Variants in SSC4D observed in about 807,000 individuals in gnomAD.
The protein encoded by SSC4D is scavenger receptor cysteine rich family member with 4 domains, also known as scavenger receptor cysteine-rich domain-containing group B protein.
SSC4D carries 57 observed loss-of-function variants against 63.4 expected under a neutral mutation model. That is an observed-to-expected ratio of 0.90 (90% confidence interval 0.73 to 1.12). The LOEUF (loss-of-function observed/expected upper bound fraction) is 1.12. Ranked by LOEUF, SSC4D falls within the 50% of genes most tolerant of loss-of-function variation. The probability of loss-of-function intolerance (pLI) is 0.00; values close to 1 mark genes in which losing one functional copy is unlikely to be tolerated. For synonymous variants in SSC4D, 352 were observed against 345.4 expected (o/e 1.02, Z -0.21); for missense variants, 791 against 806.4 (o/e 0.98, Z 0.23).
chr7:76,408,094 G>A (rs754231241), intron 1 of SSC4D, among the ~76,000 whole-genome samples: 17 of 152,172 alleles, frequency 1.1e-4, no homozygotes, highest in African/African-American at 3.1e-4. Context: ...AGGAGGCGGC[G>A]GTAGAGAGGA....
chr7:76,391,031 G>A (rs943946274), intron 10 of SSC4D, among the ~76,000 whole-genome samples: 14 of 152,166 alleles, frequency 9.2e-5, no homozygotes, highest in Non-Finnish European at 1.5e-4. Flanking sequence ...AGCTACTTGG[G>A]AGACTGAAGC....
At chr7:76,402,566 G>A (rs537176802) in intron 2 of SSC4D, among the ~76,000 whole-genome samples, 24 of 152,200 alleles carry the variant, frequency 1.6e-4, no homozygotes, top group African/African-American at 5.3e-4. Context: ...TGATCCTCCC[G>A]TCTCAGCCTC....
At chr7:76,401,154 G>A (rs1394401461) in intron 2 of SSC4D, 111 bp from the exon 3 acceptor site, 2 of 1,362,770 alleles carry the variant, frequency 1.5e-6, no homozygotes, top group African/African-American at 3.0e-5. Context: ...CCATCTTCTT[G>A]GACTTCAGTA....
In SSC4D at chr7:76,393,886, TG is replaced by T; in HGVS notation, c.964del (p.Gln322SerfsTer99). On this transcript the variant is annotated frameshift_variant, in exon 8 of 11. Transcript: ENST00000275560. LOFTEE classifies it high-confidence loss of function. Reference sequence around the variant, plus strand: ...GAGCAGTGCTGTCTCCCGGGAAGGCTGGGGGCCAACTCCTGTAGCTGTGGAG... The same window carrying T: ...GAGCAGTGCTGTCTCCCGGGAAGGCTGGGGCCAACTCCTGTAGCTGTGGAG... ...TDPSATGVGPQPSRETALLTT... is the reference protein window; with the variant it reads ...TDPSATGVGPXPSRETALLTT... The T allele has an allele frequency of 1.2e-6, 2 of 1,605,506 alleles. No individual in the cohort carries two copies. Among genetic ancestry groups the T allele is most frequent in the Non-Finnish European group, 8.5e-7 (1 of 1,175,754 alleles).
chr7:76,390,200 G>T lies in SSC4D; in HGVS notation c.1587C>A (p.Gly529=). Residue 529 remains glycine, a synonymous_variant, in exon 11 of 11, where the codon GGC becomes GGA. Coordinates refer to ENST00000275560, the MANE Select transcript of SSC4D (RefSeq NM_080744.2). ...CCAGGAGAATGGGGCCTCGGCCTGGGCCAAAGTGAGCCTCGCCAGGGGCTG... is the reference window on the plus strand; with the variant it reads ...CCAGGAGAATGGGGCCTCGGCCTGGTCCAAAGTGAGCCTCGCCAGGGGCTG... ...ALAAPGEAHF[G]PGRGPILLDN... 6.2e-7 allele frequency: 1 copy of T among 1,614,204 alleles called. No individual in the cohort carries two copies. Among genetic ancestry groups the T allele is most frequent in the Non-Finnish European group, 8.5e-7 (1 of 1,180,042 alleles).
At chr7:76,396,339 C>T (rs565643490) in intron 6 of SSC4D, among the ~76,000 whole-genome samples, 181 of 152,286 alleles carry the variant, frequency 1.2e-3, no homozygotes, top group Non-Finnish European at 2.3e-3. Context: ...TCCATGGCAA[C>T]GCAGACAACC....
chr7:76,393,400 C>G lies in SSC4D; in HGVS notation c.1333+5G>C, dbSNP rs776998233. The G allele has an allele frequency of 1.4e-5, 20 of 1,406,834 alleles. No homozygotes were observed. Among genetic ancestry groups the G allele is most frequent in the Middle Eastern group, 2.5e-4 (1 of 3,938 alleles). 87.1% of individuals were successfully genotyped at this position (1,406,834 alleles called of 1,614,324 possible). On this transcript the variant is annotated splice_donor_5th_base_variant and intron_variant, in intron 9 of 10. Transcript: ENST00000275560. ...TGTCAGCCTCACCTTCGCTGTCAGC[C>G]TCACCTGCGCAGAGCGCTCCCGCGT...
rs2115744506 is a variant in SSC4D, at chr7:76,393,586, T to C, written c.1152A>G (p.Glu384=). The C allele has an allele frequency of 6.6e-7, 1 of 1,509,634 alleles. No individual in the cohort carries two copies. The highest frequency in any genetic ancestry group is 8.8e-7 in the Non-Finnish European group (1 of 1,135,648). 93.5% of individuals were successfully genotyped at this position (1,509,634 alleles called of 1,614,324 possible). ...CGCCCAGCGCAGGCCCGCAGCCCGC[T>C]TCGCGGCAGGCCACGCGCGCGTCCG... ...DFADARVACR[E]AGCGPALGAT... Residue 384 remains glutamate (E), a synonymous_variant, in exon 9 of 11, where the codon GAA becomes GAG. Transcript: ENST00000275560.
Position 76,391,964 on chromosome 7 carries a change from C to A in SSC4D, c.1411G>T (p.Gly471Trp), listed in dbSNP as rs761236374. Residue 471 changes from glycine to tryptophan, a missense_variant and splice_region_variant, in exon 10 of 11, where the codon GGG (glycine) becomes TGG (tryptophan). Transcript: ENST00000275560. Reference sequence around the variant, plus strand: ...CTTTCAGGGGATTATGGGCACCTACCGTCCCTGGGCCGAGGAGTGGGCACC... The same window carrying A: ...CTTTCAGGGGATTATGGGCACCTACAGTCCCTGGGCCGAGGAGTGGGCACC... ...TRVPTPRPRD[G>W]HLRLVNGAHR... 1 of 1,591,460 alleles carries A rather than the reference C, an allele frequency of 6.3e-7. No homozygotes were observed. Among genetic ancestry groups the A allele is most frequent in the Non-Finnish European group, 8.6e-7 (1 of 1,168,724 alleles).
chr7:76,395,208 C>G (rs774075721), intron 7 of SSC4D, 45 bp downstream of exon 7: 2 of 1,605,356 alleles, frequency 1.2e-6, no homozygotes, highest in Admixed American at 1.7e-5. Context: ...CCAGCCGCAC[C>G]CACCATACCC....
rs751529011 is a variant in SSC4D at position 76,393,855 on chromosome 7, G to A, written c.996C>T (p.Thr332=). 1.9e-6 allele frequency: 3 copies of A among 1,605,342 alleles called. No individual in the cohort carries two copies. The highest frequency in any genetic ancestry group is 3.4e-5 in the Admixed American group (2 of 59,138). The change falls in exon 8 of 11, where the codon ACC becomes ACT. Residue 332 remains threonine, a synonymous_variant. Transcript: ENST00000275560. ...QPSRETALLT[T]AAWAAGKKSG... ...TTTTCTTCCCCGCGGCCCAGGCGGC[G>A]GTGGTGAGCAGTGCTGTCTCCCGGG...
rs1451319129 is a variant in SSC4D, at chr7:76,391,992, C to T, written c.1383G>A (p.Thr461=). 3.1e-6 allele frequency: 5 copies of T among 1,594,188 alleles called. No individual in the cohort carries two copies. Among genetic ancestry groups the T allele is most frequent in the Non-Finnish European group, 3.4e-6 (4 of 1,170,268 alleles). ...LQVQQDGSET[T]RVPTPRPRDG... is the part of the protein sequence containing the mutation. ...CCCTGGGCCGAGGAGTGGGCACCCG[C>T]GTGGTCTCAGAACCATCCTGCTGGA... Residue 461 remains threonine (T), a synonymous_variant, in exon 10 of 11, where the codon ACG becomes ACA. Transcript: ENST00000275560.
At chr7:76,395,932 C>T (rs1432083516) in intron 6 of SSC4D, among the ~76,000 whole-genome samples, 1 of 152,154 alleles carries the variant, frequency 6.6e-6, no homozygotes, top group East Asian at 1.9e-4. Context: ...CGACCTCAGG[C>T]GATCCGCCCA....
chr7:76,390,083 GGCA>G lies in SSC4D; in HGVS notation c.1701_1703del (p.Ala568del). 3 of 1,614,252 alleles carry G rather than the reference GGCA, an allele frequency of 1.9e-6. No homozygotes were observed. Among genetic ancestry groups the G allele is most frequent in the Non-Finnish European group, 1.7e-6 (2 of 1,180,050 alleles). Reference sequence around the variant, plus strand: ...GTCATGAAGGCTGGCACAGGACACTGGCATCCTCGCTGTGGTCACAGTTGTGGG... The same window carrying G: ...GTCATGAAGGCTGGCACAGGACACTGTCCTCGCTGTGGTCACAGTTGTGGG... On this transcript the variant is annotated inframe_deletion, in exon 11 of 11. Coordinates refer to ENST00000275560, the MANE Select transcript of SSC4D (RefSeq NM_080744.2).
At chr7:76,404,570 T>C (rs1804938770) in intron 1 of SSC4D, 65 bp from the exon 2 acceptor site, 4 of 1,371,168 alleles carry the variant, frequency 2.9e-6, no homozygotes, top group Non-Finnish European at 4.1e-6. Flanking sequence ...GGTGGGAGGA[T>C]TGCTTGCACC....
rs1372106031 is a variant in SSC4D at position 76,393,705 on chromosome 7, G to T, written c.1033C>A (p.Arg345=). Residue 345 remains arginine, a synonymous_variant, in exon 9 of 11, where the codon CGA becomes AGA. Coordinates refer to ENST00000275560, the MANE Select transcript of SSC4D (RefSeq NM_080744.2). ...CACGGACCCGGGCCGCCCACCAGTC[G>T]CAGCCGTCCACCTGCGGGGCGCACA... ...WAAGKKSGRL[R]LVGGPGPCRG... 4.3e-6 allele frequency: 6 copies of T among 1,392,086 alleles called. No homozygotes were observed. Among genetic ancestry groups the T allele is most frequent in the Non-Finnish European group, 4.6e-6 (5 of 1,080,912 alleles). 86.2% of individuals were successfully genotyped at this position (1,392,086 alleles called of 1,614,324 possible). A position where few individuals can be genotyped will look rare whatever the true frequency, so the allele number is the denominator to read the frequency against.
In SSC4D at chr7:76,390,026, CAGA is replaced by C. The variant is rs760482879; in HGVS notation, c.*30_*32del. On this transcript the variant is annotated 3_prime_UTR_variant, in exon 11 of 11. Coordinates refer to ENST00000275560, the MANE Select transcript of SSC4D (RefSeq NM_080744.2). ...GAGGAGGAAGGGAGGTCACAGCTCC[CAGA>C]AGAAGAGGTGGTCTGCAGAGCGGGC... The C allele has an allele frequency of 2.7e-5, 43 of 1,612,888 alleles. No individual in the cohort carries two copies. The East Asian group carries it at 3.3e-4, about 13-fold the overall frequency.
rs1804688442 is a variant in SSC4D, at chr7:76,397,773, G to A, written c.613C>T (p.Leu205=). 1 of 1,611,578 alleles carries A rather than the reference G, an allele frequency of 6.2e-7. No homozygotes were observed. Among genetic ancestry groups the A allele is most frequent in the Non-Finnish European group, 8.5e-7 (1 of 1,178,740 alleles). The change falls in exon 6 of 11, where the codon CTG becomes TTG. Residue 205 remains leucine (L), a synonymous_variant. Transcript: ENST00000275560. Reference sequence around the variant, plus strand: ...ACGGTGCCCCACAGGCCACTGTGCAGGATCTCCACTCGGCCCTGACACAGG... The same window carrying A: ...ACGGTGCCCCACAGGCCACTGTGCAAGATCTCCACTCGGCCCTGACACAGG... ...ANLCQGRVEI[L]HSGLWGTVCD... is the part of the protein sequence containing the mutation.
intron 1 of SSC4D, among the ~76,000 whole-genome samples, chr7:76,406,953 A>ATTATTTAT (rs145911585): frequency 6.6e-6 from 1 of 151,472 alleles, no homozygotes; most frequent in African/African-American, 2.4e-5. Flanking sequence ...TCTGATTTAA[A>ATTATTTAT]TTATTTATTT....
Sources: allele counts gnomAD v4.1 joint callset (sites outside exome capture counted in the v4.1 genomes callset), GRCh38; gene constraint gnomAD v4.1.1; transcripts MANE v1.5; gene names NCBI Gene and HGNC (gene_info 2026-07-23, HGNC 2026-07-21).